Variants in NCAM2 observed in about 807,000 individuals in gnomAD.
The protein encoded by NCAM2 is neural cell adhesion molecule 2, also known as N-CAM-2.
In NCAM2, 30 loss-of-function variants were observed where a neutral mutation model predicts 98.1. The ratio of observed to expected loss-of-function variants is 0.31; its 90% CI spans 0.23 to 0.41. NCAM2 has a LOEUF of 0.41. NCAM2 is among the 10% of genes least tolerant of loss of function. The pLI is 1.00. For synonymous variants in NCAM2, 368 were observed against 342.4 expected (o/e 1.07, Z -0.83); for missense variants, 867 against 1,005.8 (o/e 0.86, Z 1.87).
intron 16 of NCAM2, among the ~76,000 whole-genome samples, chr21:21,527,199 C>T (rs1460501679): frequency 4.0e-5 from 6 of 151,826 alleles, no homozygotes; most frequent in Non-Finnish European, 8.8e-5. Context: ...GCAACCTCCA[C>T]CTCCCAGGTT....
intron 1 of NCAM2, among the ~76,000 whole-genome samples, chr21:21,174,541 A>G (rs1031365262): frequency 8.5e-5 from 13 of 152,192 alleles, no homozygotes; most frequent in Non-Finnish European, 1.8e-4. Flanking sequence ...AGTGCTGTCT[A>G]AGGGATAATG....
chr21:21,522,947 A>G (rs994766952), intron 16 of NCAM2, among the ~76,000 whole-genome samples: 8 of 152,136 alleles, frequency 5.3e-5, no homozygotes, highest in African/African-American at 1.9e-4. Context: ...TCAGAGCAGA[A>G]AAATGCTTTA....
intron 16 of NCAM2, among the ~76,000 whole-genome samples, chr21:21,523,601 C>T (rs1989154896): frequency 6.6e-6 from 1 of 151,616 alleles, no homozygotes; most frequent in Non-Finnish European, 1.5e-5. Flanking sequence ...TGTGTATATA[C>T]TACGTATAAG....
rs539441352 is a variant in NCAM2 at position 21,052,309 on chromosome 21, G to A, written c.55+53691G>A. 1.6e-4 allele frequency among the ~76,000 whole-genome samples: 24 copies of A among 151,946 alleles called. No individual in the cohort carries two copies. In the South Asian group the frequency reaches 3.5e-3, roughly 22 times the overall value. On this transcript the variant is annotated intron_variant, in intron 1 of 17. Transcript: ENST00000400546. ...CTCCTGAGGAGCTGGGACTACAGGCGCCCGCCACCACGCCTGGCTAATTTT... is the reference window on the plus strand; with the variant it reads ...CTCCTGAGGAGCTGGGACTACAGGCACCCGCCACCACGCCTGGCTAATTTT...
chr21:21,497,933 A>T (rs1987360540), intron 15 of NCAM2, among the ~76,000 whole-genome samples: 1 of 152,130 alleles, frequency 6.6e-6, no homozygotes, highest in African/African-American at 2.4e-5. Flanking sequence ...TTTTACTCAG[A>T]ATTTTTAAAA....
chr21:21,368,472 T>C (rs2075838507), intron 8 of NCAM2, among the ~76,000 whole-genome samples: 1 of 151,890 alleles, frequency 6.6e-6, no homozygotes, highest in African/African-American at 2.4e-5. Context: ...CACGCTGCTA[T>C]AACAAAATAC....
At chr21:21,406,537 A>C (rs577701775) in intron 9 of NCAM2, among the ~76,000 whole-genome samples, 1 of 152,308 alleles carries the variant, frequency 6.6e-6, no homozygotes, top group African/African-American at 2.4e-5. Context: ...CTAAAGTTTG[A>C]TCAAAGAGGG....
rs541260436 is a variant in NCAM2 at position 21,025,987 on chromosome 21, A to G, written c.55+27369A>G. On this transcript the variant is annotated intron_variant, in intron 1 of 17. Coordinates refer to ENST00000400546, the MANE Select transcript of NCAM2 (RefSeq NM_004540.5). ...ATTTTTAATTGAATTGTGAATGACA[A>G]CAGGAGTCAGGTGGAGAATAACCTA... 5.9e-5 allele frequency among the ~76,000 whole-genome samples: 9 copies of G among 152,364 alleles called. 1 individual carries two copies. In the South Asian group the frequency reaches 1.9e-3, roughly 32 times the overall value.
At chr21:21,031,826 ACACT>A (rs1244962432) in intron 1 of NCAM2, among the ~76,000 whole-genome samples, 2 of 150,722 alleles carry the variant, frequency 1.3e-5, no homozygotes, top group African/African-American at 2.4e-5. Context: ...ACACACACAC[ACACT>A]CACACACACG....
chr21:21,435,232 G>T (rs943568136), intron 12 of NCAM2, among the ~76,000 whole-genome samples: 2 of 152,134 alleles, frequency 1.3e-5, no homozygotes, highest in African/African-American at 4.8e-5. Flanking sequence ...GCATTTCTTT[G>T]CAGCTGATCT....
At chr21:21,166,585 A>T (rs2067959449) in intron 1 of NCAM2, among the ~76,000 whole-genome samples, 1 of 152,132 alleles carries the variant, frequency 6.6e-6, no homozygotes, top group African/African-American at 2.4e-5. Context: ...TTTGCAATAG[A>T]TGTAACCAGA....
chr21:21,269,676 T>G (rs2147417744), intron 1 of NCAM2, among the ~76,000 whole-genome samples: 1 of 152,324 alleles, frequency 6.6e-6, no homozygotes, highest in Non-Finnish European at 1.5e-5. Context: ...ATTCTCACAT[T>G]AATGGTAACA....
At chr21:21,382,392 A>G (rs1420754156) in intron 9 of NCAM2, among the ~76,000 whole-genome samples, 2 of 151,712 alleles carry the variant, frequency 1.3e-5, no homozygotes, top group Admixed American at 1.3e-4. Flanking sequence ...TATCTATCTC[A>G]TTTCTCACTG....
rs1189819113 is a variant in NCAM2, at chr21:21,311,660, T to A, written c.620-12723T>A. The stretch of plus-strand genomic sequence containing the variant: ...CCGGCCCATGGTATGACTTCTTATT[T>A]ACTAAAGTCTTCTTTTGTTTCCGTT... On this transcript the variant is annotated intron_variant, in intron 5 of 17. Transcript: ENST00000400546. Among the ~76,000 whole-genome samples the A allele has an allele frequency of 6.6e-5, 10 of 152,260 alleles. No individual in the cohort carries two copies. In the South Asian group the frequency reaches 1.9e-3, roughly 28 times the overall value.
chr21:21,112,692 A>C, intron 1 of NCAM2, among the ~76,000 whole-genome samples: 1 of 152,198 alleles, frequency 6.6e-6, no homozygotes, highest in East Asian at 1.9e-4. Context: ...ATCAGGCCTT[A>C]TCACCCACAA....
At chr21:21,176,038 A>G (rs775048072) in intron 1 of NCAM2, among the ~76,000 whole-genome samples, 8 of 152,226 alleles carry the variant, frequency 5.3e-5, no homozygotes, top group Admixed American at 5.2e-4. Flanking sequence ...AGTGCATTAG[A>G]TGTTCTGTGA....
chr21:21,505,511 G>A (rs1044083124), intron 15 of NCAM2, among the ~76,000 whole-genome samples: 1 of 151,826 alleles, frequency 6.6e-6, no homozygotes, highest in African/African-American at 2.4e-5. Flanking sequence ...TAAAAATGAA[G>A]CATATAATTA....
At chr21:21,350,552 A>G (rs1381529055) in intron 8 of NCAM2, among the ~76,000 whole-genome samples, 1 of 152,180 alleles carries the variant, frequency 6.6e-6, no homozygotes, top group African/African-American at 2.4e-5. Context: ...GCTTTGAGGA[A>G]GATATTGAAC....
chr21:21,324,341 G>T (rs770963649), intron 5 of NCAM2, 42 bp from the exon 6 acceptor site: 3 of 1,403,878 alleles, frequency 2.1e-6, no homozygotes, highest in Non-Finnish European at 3.0e-6. Flanking sequence ...GGTAGTGAAG[G>T]TGTTTTCGTC....
Sources: gnomAD v4.1 joint callset for allele counts (sites outside exome capture counted in the v4.1 genomes callset) on GRCh38, gnomAD v4.1.1 for gene constraint, MANE v1.5 for transcripts, NCBI Gene and HGNC (gene_info 2026-07-23, HGNC 2026-07-21) for gene names.